The following EYS variants were observed in gnomAD, a reference collection of about 807,000 sequenced individuals.
The protein encoded by EYS is EGF-like photoreceptor maintenance factor.
A neutral mutation model predicts 282.1 loss-of-function variants in EYS; 250 were observed. The observed-to-expected ratio is 0.89, with a 90% CI of 0.80 to 0.98. The LOEUF is 0.98. EYS is among the 50% of genes least tolerant of loss of function. The pLI, the probability that EYS is intolerant of heterozygous loss-of-function variation, is 0.00. For synonymous variants in EYS, 1,355 were observed against 1,282.9 expected (o/e 1.06, Z -1.20); for missense variants, 4,016 against 3,709.0 (o/e 1.08, Z -2.15).
chr6:64,007,443 A>G (rs1199182258), intron 33 of EYS, among the ~76,000 whole-genome samples: 2 of 151,624 alleles, frequency 1.3e-5, no homozygotes, highest in African/African-American at 2.4e-5. Flanking sequence ...AAAAAGAAAC[A>G]CATAGGTTTT....
intron 26 of EYS, among the ~76,000 whole-genome samples, chr6:64,448,014 A>T (rs962921483): frequency 1.3e-5 from 2 of 152,240 alleles, no homozygotes; most frequent in East Asian, 3.8e-4. Flanking sequence ...TGGGTGCAGG[A>T]CAGTGGGTGC....
intron 12 of EYS, among the ~76,000 whole-genome samples, chr6:65,191,201 C>A (rs1765633487): frequency 6.6e-6 from 1 of 151,740 alleles, no homozygotes; most frequent in Non-Finnish European, 1.5e-5. Context: ...ACAAAGTCAG[C>A]CTTACTTTCT....
intron 31 of EYS, 138 bp downstream of exon 31, chr6:64,230,454 C>T (rs1002683219): frequency 2.0e-6 from 1 of 505,682 alleles, no homozygotes; most frequent in Non-Finnish European, 3.4e-6. Flanking sequence ...GATCAGAATT[C>T]ATTTTTAAAT....
chr6:63,725,680 G>C (rs901639339), intron 42 of EYS, among the ~76,000 whole-genome samples: 2 of 151,948 alleles, frequency 1.3e-5, no homozygotes, highest in Admixed American at 1.3e-4. Context: ...AGTGCATTGA[G>C]GTGGAACCAC....
intron 1 of EYS, among the ~76,000 whole-genome samples, chr6:65,674,967 G>T (rs1768526394): frequency 6.6e-6 from 1 of 151,830 alleles, no homozygotes; most frequent in South Asian, 2.1e-4. Context: ...GTAACAGAAA[G>T]TGTATGTGTG....
intron 31 of EYS, among the ~76,000 whole-genome samples, chr6:64,211,724 TTATA>T (rs894622847): frequency 2.7e-5 from 4 of 149,550 alleles, no homozygotes; most frequent in African/African-American, 7.3e-5. Context: ...TTATATATGT[TTATA>T]TATATAAAAT....
intron 28 of EYS, among the ~76,000 whole-genome samples, chr6:64,411,895 ATATGTATATATGTTTATATATG>A (rs1253161774): frequency 1.3e-4 from 19 of 151,666 alleles, no homozygotes; most frequent in East Asian, 7.7e-4. Flanking sequence ...ATACACATAT[ATATGTATATATGTTTATATATG>A]CATGCATGTA....
At chr6:65,180,806 A>AT (rs1765360085) in intron 12 of EYS, among the ~76,000 whole-genome samples, 1 of 152,140 alleles carries the variant, frequency 6.6e-6, no homozygotes, top group Non-Finnish European at 1.5e-5. Context: ...ACTTCAAACT[A>AT]TACTACAAGG....
chr6:63,975,615 T>C (rs922923513), intron 35 of EYS, among the ~76,000 whole-genome samples: 18 of 152,148 alleles, frequency 1.2e-4, no homozygotes, highest in South Asian at 1.0e-3. Flanking sequence ...TTGTTAAACA[T>C]TAAGGACAGC....
rs981928674 is a variant in EYS, at chr6:64,075,621, A to G, written c.6571+6235T>C. 9.9e-5 allele frequency among the ~76,000 whole-genome samples: 15 copies of G among 152,030 alleles called. No individual in the cohort carries two copies. The South Asian group carries it at 2.7e-3, about 27-fold the overall frequency. Reference sequence around the variant, plus strand: ...GATTTTTAGTCTATTTGTTGCTAGGATGAACATGGCTGTTAAATGGATATA... The same window carrying G: ...GATTTTTAGTCTATTTGTTGCTAGGGTGAACATGGCTGTTAAATGGATATA... On this transcript the variant is annotated intron_variant, in intron 32 of 42. Coordinates refer to ENST00000503581, the MANE Select transcript of EYS (RefSeq NM_001142800.2).
chr6:64,625,924 G>A (rs1767593831), intron 23 of EYS, among the ~76,000 whole-genome samples, 197 bp downstream of exon 23: 1 of 152,086 alleles, frequency 6.6e-6, no homozygotes, highest in African/African-American at 2.4e-5. Context: ...AAGCCTAAGT[G>A]CTTGCTTTCT....
chr6:64,556,408 A>G (rs922288719), intron 26 of EYS, among the ~76,000 whole-genome samples: 7 of 151,964 alleles, frequency 4.6e-5, no homozygotes, highest in African/African-American at 1.7e-4. Context: ...TCCCATGTAC[A>G]TGATATTTGA....
At chr6:64,923,274 G>C (rs1437510570) in intron 15 of EYS, among the ~76,000 whole-genome samples, 1 of 152,054 alleles carries the variant, frequency 6.6e-6, no homozygotes, top group African/African-American at 2.4e-5. Context: ...GAAGCAAAAG[G>C]AAAAACCCCT....
chr6:64,553,157 G>C lies in EYS; in HGVS notation c.5644+37066C>G, dbSNP rs76880421. ...TCACGGAGCTGTGTCATGGGGCCAAGGTCACTTGTATTTTGCTCAGAATAA... is the reference window on the plus strand; with the variant it reads ...TCACGGAGCTGTGTCATGGGGCCAACGTCACTTGTATTTTGCTCAGAATAA... On this transcript the variant is annotated intron_variant, in intron 26 of 42. Coordinates refer to ENST00000503581, the MANE Select transcript of EYS (RefSeq NM_001142800.2). 2.9e-3 allele frequency among the ~76,000 whole-genome samples: 437 copies of C among 152,128 alleles called. 13 individuals carry two copies. In the East Asian group the frequency reaches 0.072, roughly 25 times the overall value.
intron 31 of EYS, among the ~76,000 whole-genome samples, chr6:64,196,295 G>C (rs1260746375): frequency 6.6e-6 from 1 of 152,204 alleles, no homozygotes; most frequent in Non-Finnish European, 1.5e-5. Flanking sequence ...CACTGTTGGT[G>C]GGACTGTAAA....
intron 12 of EYS, among the ~76,000 whole-genome samples, chr6:65,091,865 A>G (rs1360771475): frequency 1.3e-5 from 2 of 152,070 alleles, no homozygotes; most frequent in Admixed American, 6.6e-5. Context: ...TGTGAAAAAT[A>G]TAACTGCACT....
chr6:64,847,013 GTGAA>G (rs57710819), intron 19 of EYS, among the ~76,000 whole-genome samples: 84,004 of 151,154 alleles, frequency 0.56, 24,025 homozygotes, highest in Non-Finnish European at 0.61. Context: ...CCTCCCCAGT[GTGAA>G]TGAATGCCCA....
chr6:64,145,161 TCCTTG>T (rs759435771), intron 31 of EYS, among the ~76,000 whole-genome samples: 17 of 152,208 alleles, frequency 1.1e-4, no homozygotes, highest in Non-Finnish European at 1.9e-4. Flanking sequence ...CTAATATAGT[TCCTTG>T]CCTTTTAATT....
chr6:65,494,090 T>C (rs1357411030), intron 4 of EYS, among the ~76,000 whole-genome samples: 2 of 152,274 alleles, frequency 1.3e-5, no homozygotes, highest in East Asian at 3.9e-4. Flanking sequence ...AGAATGGATG[T>C]TGGGAAAGAT....
Sources: gnomAD v4.1 joint callset for allele counts (sites outside exome capture counted in the v4.1 genomes callset) on GRCh38, gnomAD v4.1.1 for gene constraint, MANE v1.5 for transcripts, NCBI Gene and HGNC (gene_info 2026-07-23, HGNC 2026-07-21) for gene names.